ADD1: variants seen among roughly 807,000 people sequenced by gnomAD.
The protein encoded by ADD1 is alpha-adducin.
ADD1 carries 24 observed loss-of-function variants against 80.5 expected under a neutral mutation model. The ratio of observed to expected loss-of-function variants is 0.30; its 90% CI spans 0.22 to 0.42. The LOEUF is 0.42. Ranked by LOEUF, ADD1 falls within the 10% of genes least tolerant of loss-of-function variation. The probability of loss-of-function intolerance (pLI) is 1.00; values close to 1 mark genes in which losing one functional copy is unlikely to be tolerated. For synonymous variants in ADD1, 373 were observed against 393.8 expected (o/e 0.95, Z 0.63); for missense variants, 948 against 1,019.0 (o/e 0.93, Z 0.95).
chr4:2,882,323 T>C (rs528315597), intron 3 of ADD1, among the ~76,000 whole-genome samples: 13 of 152,354 alleles, frequency 8.5e-5, no homozygotes, highest in Admixed American at 3.9e-4. Flanking sequence ...CCAGCCCCTA[T>C]GTAGATTAAA....
At position 2,926,936 on chromosome 4, in the gene ADD1, C is replaced by T. The variant is rs1711814024; in HGVS notation, c.2047+824C>T. On this transcript the variant is annotated intron_variant, in intron 15 of 15. Coordinates refer to ENST00000683351, the MANE Select transcript of ADD1 (RefSeq NM_001354761.2). This position sits in a 1 kb window ranked among gnomAD's most constrained non-coding sequence, Gnocchi z 5.0. Reference sequence around the variant, plus strand: ...GGGCCTCAGGAGTTCCTACCTCCAGCCTTTGAGGGTCTCTTTGGATTGCTT... The same window carrying T: ...GGGCCTCAGGAGTTCCTACCTCCAGTCTTTGAGGGTCTCTTTGGATTGCTT... Among the ~76,000 whole-genome samples, 1 of 152,192 alleles carries T rather than the reference C, an allele frequency of 6.6e-6. No individual in the cohort carries two copies. Among genetic ancestry groups the T allele is most frequent in the Admixed American group, 6.5e-5 (1 of 15,270 alleles).
intron 1 of ADD1, chr4:2,844,424 C>G (rs1725859710): frequency 6.6e-6 from 1 of 152,188 alleles, no homozygotes. Context: ...GGTTTGTGTA[C>G]GGACGCATCT....
intron 8 of ADD1, 121 bp from the exon 9 acceptor site, chr4:2,899,138 A>G (rs938836834): frequency 4.8e-6 from 5 of 1,040,672 alleles, no homozygotes; most frequent in East Asian, 2.5e-5. Flanking sequence ...TCCATTCTAC[A>G]TTTTTTATTC....
intron 1 of ADD1, among the ~76,000 whole-genome samples, chr4:2,872,677 C>A (rs867041574): frequency 6.6e-6 from 1 of 152,206 alleles, no homozygotes; most frequent in African/African-American, 2.4e-5. Context: ...TCTCCTCGGA[C>A]TCCTGAGTAG....
intron 13 of ADD1, among the ~76,000 whole-genome samples, chr4:2,911,749 G>A (rs966345991): frequency 6.6e-6 from 1 of 152,102 alleles, no homozygotes; most frequent in Non-Finnish European, 1.5e-5. Flanking sequence ...GAGCCACCGC[G>A]CCTGGCATAA....
At chr4:2,850,308 C>T (rs1468273168) in intron 1 of ADD1, among the ~76,000 whole-genome samples, 1 of 152,222 alleles carries the variant, frequency 6.6e-6, no homozygotes. Context: ...CACTCTCTTG[C>T]CCAGGCTGGA....
At chr4:2,898,378 A>G (rs747618884) in intron 7 of ADD1, 51 bp downstream of exon 7, 2 of 1,614,100 alleles carry the variant, frequency 1.2e-6, no homozygotes, top group South Asian at 2.2e-5. Flanking sequence ...AGAAGAATAA[A>G]GCAAAGGACC....
intron 13 of ADD1, among the ~76,000 whole-genome samples, chr4:2,914,058 CA>C (rs775339952): frequency 2.1e-3 from 256 of 120,502 alleles, no homozygotes; most frequent in Middle Eastern, 4.3e-3. Flanking sequence ...GACTCCGTCT[CA>C]AAAAAAAAAA....
chr4:2,865,195 T>G (rs1729370330), intron 1 of ADD1, among the ~76,000 whole-genome samples: 1 of 152,132 alleles, frequency 6.6e-6, no homozygotes, highest in South Asian at 2.1e-4. Context: ...TGCCTGACAG[T>G]ATTTCCTTGT....
At position 2,876,160 on chromosome 4, in the gene ADD1, A is replaced by G. The variant is rs1731257599; in HGVS notation, c.195+50A>G. The G allele has an allele frequency of 2.6e-6, 4 of 1,554,880 alleles. No homozygotes were observed. In the South Asian group the frequency reaches 4.9e-5, roughly 19 times the overall value. On this transcript the variant is annotated intron_variant, in intron 2 of 15. Coordinates refer to ENST00000683351, the MANE Select transcript of ADD1 (RefSeq NM_001354761.2). ...ACCAGATGTCATCTTTCCTTTTCTAATACTTCAGGTCTTATGCCCTGTTGT... is the reference window on the plus strand; with the variant it reads ...ACCAGATGTCATCTTTCCTTTTCTAGTACTTCAGGTCTTATGCCCTGTTGT...
chr4:2,869,535 G>C (rs1052627325), intron 1 of ADD1, among the ~76,000 whole-genome samples: 14 of 152,290 alleles, frequency 9.2e-5, no homozygotes, highest in African/African-American at 3.4e-4. Context: ...GGAACTGGGG[G>C]TTAGGGCTTC....
At chr4:2,922,086 C>T (rs1198317245) in intron 14 of ADD1, among the ~76,000 whole-genome samples, 2 of 151,980 alleles carry the variant, frequency 1.3e-5, no homozygotes, top group South Asian at 4.1e-4. Flanking sequence ...GAACATGCTC[C>T]TTTAGCTCAG....
chr4:2,915,332 C>G (rs1457095193), intron 14 of ADD1, among the ~76,000 whole-genome samples: 2 of 152,130 alleles, frequency 1.3e-5, no homozygotes, highest in African/African-American at 4.8e-5. Context: ...ATGGAGAAAC[C>G]CCATCTCTAC....
intron 1 of ADD1, among the ~76,000 whole-genome samples, chr4:2,851,641 A>G (rs534058018): frequency 6.6e-6 from 1 of 152,368 alleles, no homozygotes; most frequent in East Asian, 1.9e-4. Context: ...CCTTGTTGCC[A>G]GATGATACCA....
chr4:2,922,014 T>C (rs1397445621), intron 14 of ADD1, among the ~76,000 whole-genome samples: 1 of 152,030 alleles, frequency 6.6e-6, no homozygotes, highest in Non-Finnish European at 1.5e-5. Flanking sequence ...CTACACTGGT[T>C]ATTCTAGTTG....
At chr4:2,852,189 T>TCTTTCTTTCTTCCTTTCTTCCTTTCTTTC (rs1553815101) in intron 1 of ADD1, among the ~76,000 whole-genome samples, 4 of 50,754 alleles carry the variant, frequency 7.9e-5, no homozygotes, top group African/African-American at 2.8e-4. Flanking sequence ...TTTCTTTCTT[T>TCTTTCTTTCTTCCTTTCTTCCTTTCTTTC]CTTTCTTTCC....
chr4:2,853,910 A>G (rs1286985458), intron 1 of ADD1, among the ~76,000 whole-genome samples: 1 of 152,192 alleles, frequency 6.6e-6, no homozygotes, highest in East Asian at 1.9e-4. Context: ...GGCCGTTATT[A>G]TGTTTTAATT....
chr4:2,921,734 C>T (rs145299471), intron 14 of ADD1, among the ~76,000 whole-genome samples: 153 of 152,276 alleles, frequency 1.0e-3, no homozygotes, highest in African/African-American at 3.6e-3. Context: ...GAGTGTTTTC[C>T]ACCTTGGTTT....
chr4:2,860,268 C>A (rs2108821603), intron 1 of ADD1, among the ~76,000 whole-genome samples: 1 of 152,292 alleles, frequency 6.6e-6, no homozygotes, highest in East Asian at 1.9e-4. Flanking sequence ...ATACTAGCTA[C>A]GTTTGCTTTA....
Sources: allele counts gnomAD v4.1 joint callset (sites outside exome capture counted in the v4.1 genomes callset), GRCh38; gene constraint gnomAD v4.1.1; non-coding constraint Gnocchi (gnomAD v3.1); transcripts MANE v1.5; gene names NCBI Gene and HGNC (gene_info 2026-07-23, HGNC 2026-07-21).